Variants in BICD1 observed in about 807,000 individuals in gnomAD.
The protein encoded by BICD1 is BICD cargo adaptor 1.
A neutral mutation model predicts 92.5 loss-of-function variants in BICD1; 35 were observed. The ratio of observed to expected loss-of-function variants is 0.38; its 90% CI spans 0.29 to 0.50. The LOEUF is 0.50. Ranked by LOEUF, BICD1 falls within the 20% of genes least tolerant of loss-of-function variation. The pLI is 0.93. For synonymous variants in BICD1, 429 were observed against 465.1 expected (o/e 0.92, Z 1.00); for missense variants, 950 against 1,189.8 (o/e 0.80, Z 2.97).
intron 1 of BICD1, among the ~76,000 whole-genome samples, chr12:32,177,199 G>A (rs546147487): frequency 4.6e-5 from 7 of 151,344 alleles, no homozygotes; most frequent in South Asian, 2.1e-4. Context: ...CCTGTAATCC[G>A]AGCTACTTGG....
intron 2 of BICD1, among the ~76,000 whole-genome samples, chr12:32,265,243 C>G (rs547098033): frequency 4.6e-4 from 70 of 152,278 alleles, no homozygotes; most frequent in Non-Finnish European, 7.9e-4. Context: ...CTGAAAACAG[C>G]TGCTTCCTGT....
chr12:32,298,474 A>G (rs1169210389), intron 3 of BICD1, among the ~76,000 whole-genome samples: 4 of 149,962 alleles, frequency 2.7e-5, no homozygotes, highest in Non-Finnish European at 5.9e-5. Context: ...CTGAGGCAGG[A>G]GAATCGCTTG....
intron 2 of BICD1, among the ~76,000 whole-genome samples, chr12:32,271,671 C>G (rs2136148025): frequency 6.6e-6 from 1 of 152,278 alleles, no homozygotes; most frequent in South Asian, 2.1e-4. Flanking sequence ...TATAAACAAT[C>G]CTCAAACCTC....
chr12:32,117,711 TACAC>T (rs747943737), intron 1 of BICD1, among the ~76,000 whole-genome samples: 15,861 of 116,390 alleles, frequency 0.14, 1,380 homozygotes, highest in Admixed American at 0.31. Flanking sequence ...CAAATATATA[TACAC>T]ACACACACAC....
At position 32,216,274 on chromosome 12, in the gene BICD1, C is replaced by T. The variant is rs1322401627; in HGVS notation, c.241C>T (p.Arg81Trp). 4.3e-6 allele frequency: 7 copies of T among 1,613,716 alleles called. No individual in the cohort carries two copies. Among genetic ancestry groups the T allele is most frequent in the Non-Finnish European group, 2.5e-6 (3 of 1,179,974 alleles). ...EAFGQSFSIH[R>W]KVAEDGETRE... ...ATTTGGGCAGTCCTTCTCCATCCAC[C>T]GGAAGGTTGCTGAAGATGGAGAGAC... The change falls in exon 2 of 10, where the codon CGG (arginine) becomes TGG (tryptophan). Residue 81 changes from arginine (R) to tryptophan (W), a missense_variant. Physicochemically the swap from Arg to Trp is moderately radical, Grantham distance 101. Around this residue, in one of 5 missense-constraint regions of BICD1, gnomAD observed 202 missense variants for 205.3 expected, o/e 0.98. Coordinates refer to ENST00000652176, the MANE Select transcript of BICD1 (RefSeq NM_001714.4).
chr12:32,203,429 A>G (rs889417075), intron 1 of BICD1, among the ~76,000 whole-genome samples: 7 of 152,184 alleles, frequency 4.6e-5, no homozygotes, highest in South Asian at 2.1e-4. Flanking sequence ...TGTGCCATAC[A>G]TATGTGTGGC....
At chr12:32,365,032 T>TA (rs1375676780) in intron 8 of BICD1, among the ~76,000 whole-genome samples, 1 of 152,140 alleles carries the variant, frequency 6.6e-6, no homozygotes. Context: ...AGTCAGGAGT[T>TA]AGAGACCAGC....
chr12:32,258,323 T>G (rs1056887732), intron 2 of BICD1, among the ~76,000 whole-genome samples: 12 of 152,216 alleles, frequency 7.9e-5, no homozygotes, highest in Non-Finnish European at 1.5e-4. Flanking sequence ...GTACTATGGT[T>G]TCAACTTGTA....
In BICD1 at chr12:32,306,063, G is replaced by A. The variant is rs752243115; in HGVS notation, c.946G>A (p.Asp316Asn). The change falls in exon 4 of 10, where the codon GAC (aspartate) becomes AAC (asparagine). Residue 316 changes from aspartate to asparagine, a missense_variant. Transcript: ENST00000652176. Reference sequence around the variant, plus strand: ...AGGAGAGTCTCTGAACCCTGTCTCTGACTTATTCAGTGAGCTGAACATTTC... The same window carrying A: ...AGGAGAGTCTCTGAACCCTGTCTCTAACTTATTCAGTGAGCTGAACATTTC... The part of the protein sequence containing the change: ...RKGESLNPVS[D>N]LFSELNISEI... The A allele has an allele frequency of 2.5e-6, 4 of 1,613,426 alleles. No homozygotes were observed. Among genetic ancestry groups the A allele is most frequent in the South Asian group, 1.1e-5 (1 of 90,944 alleles).
chr12:32,364,224 CT>C (rs1280784251), intron 8 of BICD1, among the ~76,000 whole-genome samples: 1 of 152,190 alleles, frequency 6.6e-6, no homozygotes, highest in Non-Finnish European at 1.5e-5. Flanking sequence ...ACAGCAATGG[CT>C]TTGTGGGTTC....
At chr12:32,177,727 A>G (rs1368249865) in intron 1 of BICD1, among the ~76,000 whole-genome samples, 1 of 131,850 alleles carries the variant, frequency 7.6e-6, no homozygotes, top group Non-Finnish European at 1.7e-5. Flanking sequence ...ATATAAATAT[A>G]TTTATATATT....
At chr12:32,251,178 T>G (rs1044835848) in intron 2 of BICD1, among the ~76,000 whole-genome samples, 4 of 152,244 alleles carry the variant, frequency 2.6e-5, no homozygotes, top group African/African-American at 9.6e-5. Context: ...TTCTTTAAAA[T>G]GCCAATTAAA....
chr12:32,250,030 A>G (rs1463416899), intron 2 of BICD1, among the ~76,000 whole-genome samples: 2 of 151,996 alleles, frequency 1.3e-5, no homozygotes, highest in Admixed American at 6.6e-5. Context: ...GAATGAAAAG[A>G]CAAGAAGCAT....
At chr12:32,211,529 G>A (rs1945214886) in intron 1 of BICD1, among the ~76,000 whole-genome samples, 1 of 152,118 alleles carries the variant, frequency 6.6e-6, no homozygotes, top group African/African-American at 2.4e-5. Flanking sequence ...AAATTCACTT[G>A]CTCTTAAGAC....
At chr12:32,199,341 C>T (rs1944834139) in intron 1 of BICD1, among the ~76,000 whole-genome samples, 1 of 152,134 alleles carries the variant, frequency 6.6e-6, no homozygotes, top group African/African-American at 2.4e-5. Context: ...GCCCAGGTTC[C>T]TTCTCACATT....
At chr12:32,345,553 T>C (rs1234728028) in intron 8 of BICD1, among the ~76,000 whole-genome samples, 1 of 152,172 alleles carries the variant, frequency 6.6e-6, no homozygotes, top group Admixed American at 6.5e-5. Context: ...GTTAATACCA[T>C]TGGCACAACC....
intron 7 of BICD1, chr12:32,338,455 T>C (rs557218919): frequency 9.3e-6 from 2 of 215,004 alleles, no homozygotes; most frequent in African/African-American, 4.7e-5. Flanking sequence ...ATTTTGTGAG[T>C]CCTGGCTGTT....
chr12:32,255,942 GATA>G lies in BICD1; in HGVS notation c.427-38048_427-38046del, dbSNP rs150600583. Among the ~76,000 whole-genome samples the G allele has an allele frequency of 1.2e-3, 179 of 152,158 alleles. No individual in the cohort carries two copies. In the East Asian group the frequency reaches 0.025, roughly 21 times the overall value. On this transcript the variant is annotated intron_variant, in intron 2 of 9. Transcript: ENST00000652176. ...GACATTAATAATAGAGCATATTAATGATAATATTATTAATTAATTATTATTAAT... is the reference window on the plus strand; with the variant it reads ...GACATTAATAATAGAGCATATTAATGATATTATTAATTAATTATTATTAAT...
intron 1 of BICD1, among the ~76,000 whole-genome samples, chr12:32,150,663 G>A (rs1943261795): frequency 6.6e-6 from 1 of 152,148 alleles, no homozygotes. Flanking sequence ...TGTGGCACAA[G>A]TTTGGGGAGT....
Sources: allele counts gnomAD v4.1 joint callset (sites outside exome capture counted in the v4.1 genomes callset), GRCh38; gene constraint gnomAD v4.1.1; regional missense constraint gnomAD v4.1.1; transcripts MANE v1.5; gene names NCBI Gene and HGNC (gene_info 2026-07-23, HGNC 2026-07-21).